FCRL2: variants seen among roughly 807,000 people sequenced by gnomAD.
FCRL2 encodes Fc receptor like 2, also known as Fc receptor-like protein 2.
In FCRL2, 48 loss-of-function variants were observed where a neutral mutation model predicts 59.8. That is an observed-to-expected ratio of 0.80 (90% confidence interval 0.64 to 1.02). The LOEUF (loss-of-function observed/expected upper bound fraction) is 1.02. Among genes scored for constraint, FCRL2 ranks in the 50% least tolerant of loss-of-function variants. The pLI is 0.00. For synonymous variants in FCRL2, 251 were observed against 229.5 expected (o/e 1.09, Z -0.85); for missense variants, 658 against 597.3 (o/e 1.10, Z -1.06).
intron 7 of FCRL2, among the ~76,000 whole-genome samples, chr1:157,761,600 C>T (rs940312476): frequency 4.6e-5 from 7 of 152,038 alleles, no homozygotes; most frequent in African/African-American, 1.7e-4. Context: ...CAGAGCAAGA[C>T]CTTGTCTCCC....
chr1:157,764,026 T>C (rs1173345647), intron 7 of FCRL2, among the ~76,000 whole-genome samples: 15 of 93,230 alleles, frequency 1.6e-4, no homozygotes, highest in Non-Finnish European at 2.9e-4. Context: ...CGAGACTTCA[T>C]CTCAAAAAAA....
At position 157,746,794 on chromosome 1, in the gene FCRL2, A is replaced by G. The variant is rs751314022; in HGVS notation, c.1489-20T>C. Reference sequence around the variant, plus strand: ...GGAGTCCTGGGAGAGACACACAGGAATAAAGACTGAGGTGATCAAGAAAAT... The same window carrying G: ...GGAGTCCTGGGAGAGACACACAGGAGTAAAGACTGAGGTGATCAAGAAAAT... On this transcript the variant is annotated intron_variant, in intron 11 of 11. Coordinates refer to ENST00000361516, the MANE Select transcript of FCRL2 (RefSeq NM_030764.4). 3.2e-5 allele frequency: 51 copies of G among 1,613,802 alleles called. No individual in the cohort carries two copies. Among genetic ancestry groups the G allele is most frequent in the Non-Finnish European group, 3.8e-5 (45 of 1,179,660 alleles).
rs745504654 is a variant in FCRL2 at position 157,767,307 on chromosome 1, A to G, written c.1086T>C (p.His362=). ...ASFNLSLTAE[H]SGNYSCEANN... ...TGGCCTCACAGGAGTAGTTTCCAGA[A>G]TGTTCTGCAGTCAAAGAGAGGTTGA... The change falls in exon 6 of 12, where the codon CAT becomes CAC. Residue 362 remains histidine, a synonymous_variant. Coordinates refer to ENST00000361516, the MANE Select transcript of FCRL2 (RefSeq NM_030764.4). 3.1e-6 allele frequency: 5 copies of G among 1,614,202 alleles called. No individual in the cohort carries two copies. The highest frequency in any genetic ancestry group is 3.4e-6 in the Non-Finnish European group (4 of 1,180,022).
Position 157,748,272 on chromosome 1 carries a change from G to A in FCRL2, c.1459+281C>T, listed in dbSNP as rs373103479. On this transcript the variant is annotated intron_variant, in intron 10 of 11. Transcript: ENST00000361516. ...CTAAAAATACAAAAATTAGCTGGGC[G>A]TGGTGGCGCATGCCTCTCATCCCAG... is the stretch of plus-strand genomic sequence containing the variant. Among the ~76,000 whole-genome samples, 40 of 152,072 alleles carry A rather than the reference G, an allele frequency of 2.6e-4. No individual in the cohort carries two copies. In the East Asian group the frequency reaches 3.5e-3, roughly 13 times the overall value.
At chr1:157,771,722 C>A (rs1650039679) in intron 2 of FCRL2, among the ~76,000 whole-genome samples, 1 of 152,112 alleles carries the variant, frequency 6.6e-6, no homozygotes, top group Non-Finnish European at 1.5e-5. Context: ...TCTATGACAT[C>A]TTCATATTTT....
rs1296514456 is a variant in FCRL2, at chr1:157,774,149, T to A, written c.52+1626A>T. Among the ~76,000 whole-genome samples, 3 of 152,144 alleles carry A rather than the reference T, an allele frequency of 2.0e-5. No homozygotes were observed. In the East Asian group the frequency reaches 5.8e-4, roughly 29 times the overall value. ...TTTGCAAGGGCAAAGTCCCAGGTGG[T>A]GAGTGCAGTGTATGGGTGGGGCTGA... On this transcript the variant is annotated intron_variant, in intron 2 of 11. Transcript: ENST00000361516.
intron 7 of FCRL2, among the ~76,000 whole-genome samples, chr1:157,760,182 C>T (rs1648910457): frequency 6.6e-6 from 1 of 152,152 alleles, no homozygotes; most frequent in East Asian, 1.9e-4. Context: ...AGTGAATTAA[C>T]ACAGGAACAG....
At chr1:157,767,714 G>A (rs2873413) in intron 5 of FCRL2, 745,572 of 1,541,802 alleles carry the variant, frequency 0.48, 186,487 homozygotes, top group African/African-American at 0.86. Flanking sequence ...GGTGCTGCCT[G>A]CAGACACGGT....
chr1:157,775,651 G>T (rs1571303602), intron 2 of FCRL2, 124 bp downstream of exon 2: 1 of 1,030,454 alleles, frequency 9.7e-7, no homozygotes. Flanking sequence ...GAACATGTCA[G>T]CCTAGAGGGC....
intron 5 of FCRL2, chr1:157,768,200 T>C: frequency 1.8e-6 from 1 of 543,778 alleles, no homozygotes; most frequent in Non-Finnish European, 3.2e-6. Context: ...GCAAGAATGC[T>C]TATGCTTCAT....
intron 6 of FCRL2, 124 bp from the exon 7 acceptor site, chr1:157,767,095 T>C (rs1036980120): frequency 7.5e-7 from 1 of 1,328,468 alleles, no homozygotes; most frequent in Non-Finnish European, 1.0e-6. Context: ...TCTGTACTCT[T>C]CAGGTTAGTG....
chr1:157,768,328 G>C (rs1649687022), intron 5 of FCRL2, 86 bp downstream of exon 5: 1 of 1,406,702 alleles, frequency 7.1e-7, no homozygotes, highest in Non-Finnish European at 9.8e-7. Context: ...TAATCCCTGG[G>C]GCCTCCTGAA....
rs199546197 is a variant in FCRL2, at chr1:157,766,483, AT to A, written c.1279+371del. 0.011 allele frequency: 2,220 copies of A among 203,194 alleles called. 97 individuals are homozygous for A. In the East Asian group the frequency reaches 0.12, roughly 11 times the overall value. 12.6% of individuals were successfully genotyped at this position (203,194 alleles called of 1,614,324 possible). A position where few individuals can be genotyped will look rare whatever the true frequency, so the allele number is the denominator to read the frequency against. ...GAGACTCTGTCTCAAAAAAAAAAAA[AT>A]TTTTTTTGTGTTCCTTTAAATCTAG... On this transcript the variant is annotated intron_variant, in intron 7 of 11. Transcript: ENST00000361516.
chr1:157,769,837 T>G, intron 4 of FCRL2, 29 bp downstream of exon 4: 1 of 1,602,168 alleles, frequency 6.2e-7, no homozygotes, highest in Non-Finnish European at 8.5e-7. Context: ...TATCTTTTTT[T>G]CTCCAGGCTC....
In FCRL2 at chr1:157,746,729, C is replaced by G. The variant is rs1253108225; in HGVS notation, c.*7G>C. Reference sequence around the variant, plus strand: ...CTGTTGATCTTCCCTTCTGATTCCTCCAAGTGTTATGATTTCTTCACAGAA... The same window carrying G: ...CTGTTGATCTTCCCTTCTGATTCCTGCAAGTGTTATGATTTCTTCACAGAA... On this transcript the variant is annotated 3_prime_UTR_variant, in exon 12 of 12. Coordinates refer to ENST00000361516, the MANE Select transcript of FCRL2 (RefSeq NM_030764.4). The G allele has an allele frequency of 1.2e-6, 2 of 1,613,298 alleles. No individual in the cohort carries two copies. The highest frequency in any genetic ancestry group is 1.7e-5 in the Admixed American group (1 of 60,022).
chr1:157,777,110 C>A lies in FCRL2; in HGVS notation c.-37G>T. 1 of 1,614,120 alleles carries A rather than the reference C, an allele frequency of 6.2e-7. No homozygotes were observed. Among genetic ancestry groups the A allele is most frequent in the Non-Finnish European group, 8.5e-7 (1 of 1,179,996 alleles). On this transcript the variant is annotated 5_prime_UTR_variant, in exon 1 of 12. Transcript: ENST00000361516. Reference sequence around the variant, plus strand: ...CCAGCTATTTGAAAAGAGATGTACTCTTGGTCACCAACTGGAGACTCTGAG... The same window carrying A: ...CCAGCTATTTGAAAAGAGATGTACTATTGGTCACCAACTGGAGACTCTGAG...
In FCRL2 at chr1:157,769,925, G is replaced by A; in HGVS notation, c.536C>T (p.Ala179Val). Residue 179 changes from alanine to valine, a missense_variant, in exon 4 of 12, where the codon GCA becomes GTA. Physicochemically the swap from Ala to Val is moderately conservative, Grantham distance 64. Transcript: ENST00000361516. ...SEDTGSYWCK[A>V]ETVTHRIRKQ... ...TCTGATCCTGTGAGTCACCGTTTCT[G>A]CCTTGCACCAGTAAGACCCTGTGTC... is the stretch of plus-strand genomic sequence containing the variant. 6.2e-7 allele frequency: 1 copy of A among 1,614,202 alleles called. No homozygotes were observed.
chr1:157,759,580 A>T (rs115342996), intron 7 of FCRL2, among the ~76,000 whole-genome samples: 345 of 152,346 alleles, frequency 2.3e-3, no homozygotes, highest in African/African-American at 7.3e-3. Context: ...ATCTACTAGG[A>T]ACTCAAGCAA....
intron 7 of FCRL2, among the ~76,000 whole-genome samples, chr1:157,756,414 G>T (rs926120209): frequency 2.6e-5 from 4 of 152,176 alleles, no homozygotes; most frequent in East Asian, 1.9e-4. Flanking sequence ...CAGGCATGGT[G>T]ACTCATGCCT....
Sources: gnomAD v4.1 joint callset for allele counts (sites outside exome capture counted in the v4.1 genomes callset) on GRCh38, gnomAD v4.1.1 for gene constraint, MANE v1.5 for transcripts, NCBI Gene and HGNC (gene_info 2026-07-23, HGNC 2026-07-21) for gene names.